The following CRTC3 variants were observed in gnomAD, a reference collection of about 807,000 sequenced individuals.
CRTC3 encodes the protein CREB-regulated transcription coactivator 3.
Under a neutral mutation model 74.5 loss-of-function variants are expected in CRTC3, and 26 were observed. That is an observed-to-expected ratio of 0.35 (90% CI 0.26 to 0.48). CRTC3 has a LOEUF of 0.48. CRTC3 is among the 20% of genes least tolerant of loss of function. The pLI is 0.99. For synonymous variants in CRTC3, 377 were observed against 325.8 expected, an observed-to-expected ratio of 1.16 and a Z score of -1.69; for missense variants, 760 against 787.3, an observed-to-expected ratio of 0.97 and a Z score of 0.41.
intron 3 of CRTC3, among the ~76,000 whole-genome samples, chr15:90,601,904 A>G (rs1031405227): frequency 1.1e-4 from 17 of 151,992 alleles, no homozygotes; most frequent in African/African-American, 4.1e-4. Context: ...TTTCCACTCA[A>G]AAGCACTCTC....
rs2151056092 is a variant in CRTC3 at position 90,540,036 on chromosome 15, C to T, written c.133-3C>T. 1.2e-6 allele frequency: 2 copies of T among 1,607,824 alleles called. No homozygotes were observed. The highest frequency in any genetic ancestry group is 2.2e-5 in the South Asian group (2 of 90,806). On this transcript the variant is annotated splice_region_variant and splice_polypyrimidine_tract_variant and intron_variant, in intron 1 of 14. Transcript: ENST00000268184. Reference sequence around the variant, plus strand: ...CAGCGTTCTTAAATCACTTTGTTTCCAGGTTCAATTTCAGAAGCTTCAGCA... The same window carrying T: ...CAGCGTTCTTAAATCACTTTGTTTCTAGGTTCAATTTCAGAAGCTTCAGCA...
chr15:90,613,053 A>G (rs943517961), intron 6 of CRTC3, among the ~76,000 whole-genome samples: 1 of 151,996 alleles, frequency 6.6e-6, no homozygotes, highest in African/African-American at 2.4e-5. Context: ...TAGAAAAATT[A>G]GCCGGGCCTG....
At chr15:90,641,661 T>C (rs1969448035) in intron 14 of CRTC3, among the ~76,000 whole-genome samples, 1 of 149,992 alleles carries the variant, frequency 6.7e-6, no homozygotes, top group Non-Finnish European at 1.5e-5. Flanking sequence ...TGTGCCACTG[T>C]ACTCCAGCCT....
chr15:90,551,948 A>ACACACACACG (rs1180149122), intron 2 of CRTC3, among the ~76,000 whole-genome samples: 4 of 9,556 alleles, frequency 4.2e-4, no homozygotes, highest in South Asian at 3.6e-3. Flanking sequence ...ACACACGCAC[A>ACACACACACG]CACACACACA....
At chr15:90,575,484 C>T (rs1435709497) in intron 2 of CRTC3, among the ~76,000 whole-genome samples, 2 of 152,172 alleles carry the variant, frequency 1.3e-5, no homozygotes, top group African/African-American at 4.8e-5. Context: ...CCATCATGTG[C>T]TTATGCCAGT....
chr15:90,540,228 G>C, intron 2 of CRTC3, 91 bp downstream of exon 2: 1 of 879,684 alleles, frequency 1.1e-6, no homozygotes, highest in Non-Finnish European at 1.8e-6. Context: ...TGAAGGATAA[G>C]CTGGGCCTAG....
intron 2 of CRTC3, among the ~76,000 whole-genome samples, chr15:90,550,815 AG>A (rs1005863165): frequency 6.6e-6 from 1 of 152,014 alleles, no homozygotes; most frequent in Non-Finnish European, 1.5e-5. Context: ...CTGAGGATGC[AG>A]GCCTGGGAAA....
At position 90,643,485 on chromosome 15, in the gene CRTC3, T is replaced by TG. The variant is rs958036233; in HGVS notation, c.*1348dup. The TG allele has an allele frequency of 4.8e-5, 11 of 229,240 alleles. No homozygotes were observed. Among genetic ancestry groups the TG allele is most frequent in the African/African-American group, 2.2e-4 (10 of 45,178 alleles). The allele number at this position is 229,240 out of a possible 1,614,324, so 14.2% of individuals were successfully genotyped here. On this transcript the variant is annotated 3_prime_UTR_variant, in exon 15 of 15. Transcript: ENST00000268184. ...AGGTGAGTGCCCTGAGCATCCTGGC[T>TG]GGGCCCCACCCAGGAAGATCTTCCT...
At chr15:90,614,706 T>C in intron 7 of CRTC3, 1 of 473,950 alleles carries the variant, frequency 2.1e-6, no homozygotes, top group Non-Finnish European at 3.8e-6. Context: ...AAAGGTTCCT[T>C]TTTATCTAGG....
chr15:90,612,379 C>T (rs771558562), intron 6 of CRTC3, among the ~76,000 whole-genome samples: 11 of 151,950 alleles, frequency 7.2e-5, no homozygotes, highest in Non-Finnish European at 1.3e-4. Context: ...CACCATTATC[C>T]TTCAATGAAT....
At chr15:90,634,669 C>A (rs933620845) in intron 11 of CRTC3, 1 of 584,454 alleles carries the variant, frequency 1.7e-6, no homozygotes, top group Non-Finnish European at 3.1e-6. Context: ...CACTGAGGGG[C>A]TGTCTCCTTG....
intron 11 of CRTC3, among the ~76,000 whole-genome samples, chr15:90,631,699 A>G (rs1213413400): frequency 6.7e-6 from 1 of 150,024 alleles, no homozygotes; most frequent in African/African-American, 2.5e-5. Context: ...ACTGCACTCC[A>G]GCCTGGGTGA....
chr15:90,532,958 G>A (rs1000679732), intron 1 of CRTC3, among the ~76,000 whole-genome samples: 9 of 151,390 alleles, frequency 5.9e-5, no homozygotes, highest in Non-Finnish European at 1.2e-4. Flanking sequence ...GGTGGCGTGC[G>A]CCTGTAGTTC....
intron 2 of CRTC3, among the ~76,000 whole-genome samples, chr15:90,573,557 T>A (rs2151070618): frequency 1.3e-5 from 2 of 152,352 alleles, no homozygotes; most frequent in East Asian, 3.9e-4. Flanking sequence ...GTTCCCATTT[T>A]TTTTTTCCTC....
chr15:90,603,354 A>T, intron 4 of CRTC3, among the ~76,000 whole-genome samples: 1 of 151,244 alleles, frequency 6.6e-6, no homozygotes, highest in African/African-American at 2.4e-5. Context: ...GAGGCAGGAG[A>T]ATGGCGTGAA....
chr15:90,638,791 G>A lies in CRTC3; in HGVS notation c.1524G>A (p.Arg508=). ...PDVGFDQQSM[R]PGPAFPQQVP... ...TGGGTTTTGACCAGCAGTCCATGAG[G>A]CCAGGCCCTGCCTTTCCTCAACAGG... Residue 508 remains arginine (R), a synonymous_variant, in exon 13 of 15, where the codon AGG becomes AGA. Coordinates refer to ENST00000268184, the MANE Select transcript of CRTC3 (RefSeq NM_022769.5). The A allele has an allele frequency of 6.2e-7, 1 of 1,614,144 alleles. No homozygotes were observed. Among genetic ancestry groups the A allele is most frequent in the Non-Finnish European group, 8.5e-7 (1 of 1,180,008 alleles).
At chr15:90,626,661 G>A (rs1319585122) in intron 10 of CRTC3, among the ~76,000 whole-genome samples, 3 of 146,054 alleles carry the variant, frequency 2.1e-5, no homozygotes, top group African/African-American at 8.0e-5. Flanking sequence ...ACCTAGGCTA[G>A]AGTGCAGTGG....
At chr15:90,631,408 CTAAT>C in intron 11 of CRTC3, among the ~76,000 whole-genome samples, 1 of 152,256 alleles carries the variant, frequency 6.6e-6, no homozygotes, top group Non-Finnish European at 1.5e-5. Flanking sequence ...CCACACCCAG[CTAAT>C]TTTTTTAATT....
intron 13 of CRTC3, 87 bp downstream of exon 13, chr15:90,638,902 G>A: frequency 9.2e-7 from 1 of 1,083,978 alleles, no homozygotes; most frequent in Non-Finnish European, 1.4e-6. Context: ...GAACTGAGCA[G>A]ACCAGACATG....
Sources: gnomAD v4.1 joint callset for allele counts (sites outside exome capture counted in the v4.1 genomes callset) on GRCh38, gnomAD v4.1.1 for gene constraint, MANE v1.5 for transcripts, NCBI Gene and HGNC (gene_info 2026-07-23, HGNC 2026-07-21) for gene names.